The following TTLL8 variants were observed in gnomAD, a reference collection of about 807,000 sequenced individuals.
TTLL8 encodes tubulin tyrosine ligase like 8.
In TTLL8, 65 loss-of-function variants were observed where a neutral mutation model predicts 77.8. That is an observed-to-expected ratio of 0.84 (90% CI 0.68 to 1.03). The LOEUF is 1.03. Ranked by LOEUF, TTLL8 falls within the 50% of genes least tolerant of loss-of-function variation. The probability of loss-of-function intolerance (pLI) is 0.00; values close to 1 mark genes in which losing one functional copy is unlikely to be tolerated. For missense variants in TTLL8, 910 were observed against 1,004.5 expected (o/e 0.91, Z 1.27); for synonymous variants, 402 against 422.8 (o/e 0.95, Z 0.60).
At chr22:50,057,537 CG>C (rs1569237220), upstream of TTLL8, among the ~76,000 whole-genome samples, 51 of 11,274 alleles carry the variant, frequency 4.5e-3, 3 homozygotes, top group East Asian at 6.9e-3. Context: ...CTGGGTTGAG[CG>C]GGAGGTCTGG....
intron 6 of TTLL8, among the ~76,000 whole-genome samples, chr22:50,042,042 A>C (rs970036510): frequency 1.3e-5 from 2 of 152,148 alleles, no homozygotes; most frequent in Non-Finnish European, 2.9e-5. Flanking sequence ...TCCCTCCTGA[A>C]CGGTCCCAAC....
Position 50,044,977 on chromosome 22 carries a change from G to A in TTLL8, c.643+278C>T, listed in dbSNP as rs1191960779. Among the ~76,000 whole-genome samples the A allele has an allele frequency of 6.6e-6, 1 of 152,160 alleles. No individual in the cohort carries two copies. Among genetic ancestry groups the A allele is most frequent in the Non-Finnish European group, 1.5e-5 (1 of 68,020 alleles). ...GCTTCCGACCACAGGCTGGAACCAC[G>A]TCCGCGGCACAGGACTGTGGCAGTG... On this transcript the variant is annotated intron_variant, in intron 6 of 13. Transcript: ENST00000266182. The surrounding 1 kb of genome is among the most constrained non-coding windows in gnomAD (Gnocchi z 4.2).
At chr22:50,050,199 C>T (rs201087187) in exon 2 of TTLL8, 39 of 1,360,542 alleles carry the variant, frequency 2.9e-5, no homozygotes, top group Middle Eastern at 2.1e-4. Flanking sequence ...CTTCGCAGAG[C>T]GGCCCGGACC....
chr22:50,047,792 T>G (rs906416364), intron 3 of TTLL8, among the ~76,000 whole-genome samples: 1 of 152,198 alleles, frequency 6.6e-6, no homozygotes, highest in South Asian at 2.1e-4. Flanking sequence ...AACAATGGCA[T>G]GTGTTAAGTC....
intron 12 of TTLL8, among the ~76,000 whole-genome samples, chr22:50,029,356 C>CTGAAGACCCCACACACCCTCG (rs2061265265): frequency 7.5e-6 from 1 of 133,114 alleles, no homozygotes; most frequent in African/African-American, 3.1e-5. Context: ...TCACACCGTC[C>CTGAAGACCCCACACACCCTCG]TAAAGACCCC....
intron 3 of TTLL8, among the ~76,000 whole-genome samples, chr22:50,047,699 G>T (rs568566924): frequency 6.6e-6 from 1 of 152,316 alleles, no homozygotes; most frequent in Non-Finnish European, 1.5e-5. Flanking sequence ...CTGAGCCCCA[G>T]GCACTGGCCT....
In TTLL8 at chr22:50,041,583, C is replaced by T. The variant is rs1281511332; in HGVS notation, c.830+38G>A. Reference sequence around the variant, plus strand: ...CGGCAGCTCCTGCAATCTGCACTCACAGCTCCGACATGTGCCAGGGGCCTG... The same window carrying T: ...CGGCAGCTCCTGCAATCTGCACTCATAGCTCCGACATGTGCCAGGGGCCTG... On this transcript the variant is annotated intron_variant, in intron 7 of 13. Coordinates refer to ENST00000266182, the Ensembl canonical transcript of TTLL8. This position sits in a 1 kb window ranked among gnomAD's most constrained non-coding sequence, Gnocchi z 4.3. 11 of 1,306,314 alleles carry T rather than the reference C, an allele frequency of 8.4e-6. No homozygotes were observed. Among genetic ancestry groups the T allele is most frequent in the Non-Finnish European group, 1.1e-5 (11 of 991,394 alleles). The allele number at this position is 1,306,314 out of a possible 1,614,324, so 80.9% of individuals were successfully genotyped here.
chr22:50,049,252 C>G, exon 3 of TTLL8: 1 of 1,367,662 alleles, frequency 7.3e-7, no homozygotes, highest in Non-Finnish European at 9.8e-7. Context: ...GACGTACCAT[C>G]ACGTCGTGGA....
intron 6 of TTLL8, 124 bp downstream of exon 8, chr22:50,045,131 C>T: frequency 1.9e-6 from 2 of 1,072,718 alleles, no homozygotes; most frequent in African/African-American, 1.6e-5. Flanking sequence ...GAGTCTGAGG[C>T]ATCGCTGTAT....
chr22:50,026,659 G>A (rs1185938333), intron 12 of TTLL8, among the ~76,000 whole-genome samples: 1 of 152,232 alleles, frequency 6.6e-6, no homozygotes, highest in African/African-American at 2.4e-5. Context: ...GACTAGAAAA[G>A]GCAGGAGGCT....
chr22:50,029,747 C>A (rs1482989215), intron 12 of TTLL8, among the ~76,000 whole-genome samples: 1 of 151,972 alleles, frequency 6.6e-6, no homozygotes, highest in African/African-American at 2.4e-5. Context: ...ACAAAAAAAA[C>A]AAGACCCTCT....
chr22:50,056,354 C>A (rs2061470625), upstream of TTLL8, among the ~76,000 whole-genome samples: 1 of 151,884 alleles, frequency 6.6e-6, no homozygotes, highest in Non-Finnish European at 1.5e-5. The surrounding 1 kb of genome is among the most constrained non-coding windows in gnomAD (Gnocchi z 4.1). Flanking sequence ...TAAAACCACA[C>A]ACCCGAGTGC....
chr22:50,057,540 G>A (rs111859624), upstream of TTLL8, among the ~76,000 whole-genome samples: 738 of 32,282 alleles, frequency 0.023, 44 homozygotes, highest in East Asian at 0.24. Context: ...GGTTGAGCGG[G>A]AGGTCTGGGT....
chr22:50,036,322 T>C (rs1453824925), intron 8 of TTLL8, among the ~76,000 whole-genome samples: 4 of 152,210 alleles, frequency 2.6e-5, no homozygotes, highest in African/African-American at 9.6e-5. Context: ...CTGCCACTGG[T>C]GGTCACCCCT....
upstream of TTLL8, chr22:50,056,755 A>C: frequency 3.9e-6 from 5 of 1,282,722 alleles, no homozygotes; most frequent in Admixed American, 1.2e-4. The surrounding 1 kb of genome is among the most constrained non-coding windows in gnomAD (Gnocchi z 4.1). Context: ...AGCTCAGTGA[A>C]GTGCCTGCCC....
At chr22:50,028,150 G>A (rs1006374797) in intron 12 of TTLL8, among the ~76,000 whole-genome samples, 1 of 152,242 alleles carries the variant, frequency 6.6e-6, no homozygotes, top group South Asian at 2.1e-4. Context: ...TGGCAGCACC[G>A]GGCAGGAGGG....
At chr22:50,037,583 T>C (rs2099291238) in intron 8 of TTLL8, among the ~76,000 whole-genome samples, 1 of 152,158 alleles carries the variant, frequency 6.6e-6, no homozygotes, top group African/African-American at 2.4e-5. Context: ...GAATTCAAGG[T>C]ACATTTTTTT....
At chr22:50,056,654 G>T, upstream of TTLL8, 1 of 663,632 alleles carries the variant, frequency 1.5e-6, no homozygotes, top group Non-Finnish European at 1.9e-6. The surrounding 1 kb of genome is among the most constrained non-coding windows in gnomAD (Gnocchi z 4.1). Context: ...GCTGGCCAGT[G>T]GGATCGGGGT....
chr22:50,045,063 A>G (rs2061399922), intron 6 of TTLL8, 192 bp downstream of exon 8: 1 of 386,296 alleles, frequency 2.6e-6, no homozygotes. Context: ...AAACGGGGTG[A>G]CTTTGACGTT....
Sources: gnomAD v4.1 joint callset for allele counts (sites outside exome capture counted in the v4.1 genomes callset) on GRCh38, gnomAD v4.1.1 for gene constraint, Gnocchi (gnomAD v3.1) non-coding constraint, MANE v1.5 for transcripts, NCBI Gene and HGNC (gene_info 2026-07-23, HGNC 2026-07-21) for gene names.